Variants in LRP1B observed in about 807,000 individuals in gnomAD.
The protein encoded by LRP1B is low-density lipoprotein receptor-related protein 1B.
In LRP1B, 217 loss-of-function variants were observed where a neutral mutation model predicts 556.6. The ratio of observed to expected loss-of-function variants is 0.39; its 90% CI spans 0.35 to 0.44. The LOEUF (loss-of-function observed/expected upper bound fraction) is 0.44. Ranked by LOEUF, LRP1B falls within the 20% of genes least tolerant of loss-of-function variation. The probability of loss-of-function intolerance (pLI) is 1.00; values close to 1 mark genes in which losing one functional copy is unlikely to be tolerated. For synonymous variants in LRP1B, 2,047 were observed against 1,865.8 expected (o/e 1.10, Z -2.50); for missense variants, 5,053 against 5,620.8 (o/e 0.90, Z 3.23).
At chr2:141,617,698 A>C (rs1216513452) in intron 2 of LRP1B, among the ~76,000 whole-genome samples, 3 of 152,218 alleles carry the variant, frequency 2.0e-5, no homozygotes, top group Non-Finnish European at 4.4e-5. Flanking sequence ...TTCACAAGAT[A>C]GGGCAAATAG....
chr2:141,271,071 A>T (rs192165024), intron 3 of LRP1B, among the ~76,000 whole-genome samples: 1 of 152,104 alleles, frequency 6.6e-6, no homozygotes, highest in African/African-American at 2.4e-5. Flanking sequence ...ACTAAAATGA[A>T]CTAAATAGGA....
intron 13 of LRP1B, among the ~76,000 whole-genome samples, chr2:141,015,434 T>G (rs927559228): frequency 6.6e-6 from 1 of 152,088 alleles, no homozygotes; most frequent in Non-Finnish European, 1.5e-5. Context: ...AAACTGCATT[T>G]TAAAACAGCT....
chr2:140,626,472 G>C (rs575569032), intron 41 of LRP1B, among the ~76,000 whole-genome samples: 4 of 152,280 alleles, frequency 2.6e-5, no homozygotes, highest in Admixed American at 2.6e-4. Context: ...AAGGGCATAT[G>C]TGGGAATTTC....
intron 2 of LRP1B, among the ~76,000 whole-genome samples, chr2:141,694,569 A>ATGTTG (rs1401446917): frequency 6.6e-6 from 1 of 151,530 alleles, no homozygotes; most frequent in African/African-American, 2.4e-5. Flanking sequence ...GTTTGACCTT[A>ATGTTG]TTCCTGTGTC....
intron 3 of LRP1B, among the ~76,000 whole-genome samples, chr2:141,380,527 C>T (rs1225463037): frequency 6.6e-6 from 1 of 152,180 alleles, no homozygotes; most frequent in Non-Finnish European, 1.5e-5. Context: ...CTGACTGTTA[C>T]TTGGGGAACT....
chr2:140,725,133 A>G (rs1019705055), intron 35 of LRP1B, among the ~76,000 whole-genome samples: 5 of 152,172 alleles, frequency 3.3e-5, no homozygotes, highest in African/African-American at 1.2e-4. Flanking sequence ...TTTCCATTCT[A>G]AAATTTTGAG....
chr2:140,322,379 A>T (rs141148604), intron 81 of LRP1B, among the ~76,000 whole-genome samples: 1 of 152,060 alleles, frequency 6.6e-6, no homozygotes, highest in Non-Finnish European at 1.5e-5. Context: ...TGCTTTTGGC[A>T]TAAGAGTTGG....
intron 41 of LRP1B, among the ~76,000 whole-genome samples, chr2:140,676,243 G>A (rs1457735108): frequency 2.6e-5 from 4 of 152,060 alleles, no homozygotes; most frequent in African/African-American, 7.2e-5. Context: ...CCTACAGCAC[G>A]TAATTATATA....
chr2:141,472,565 T>A (rs761466367), intron 3 of LRP1B, among the ~76,000 whole-genome samples: 16 of 151,606 alleles, frequency 1.1e-4, no homozygotes, highest in Non-Finnish European at 4.4e-5. Flanking sequence ...TCAAATCAAA[T>A]CAAAATTAAC....
intron 86 of LRP1B, among the ~76,000 whole-genome samples, chr2:140,250,683 G>A (rs1359314351): frequency 1.3e-5 from 2 of 151,666 alleles, no homozygotes; most frequent in African/African-American, 2.4e-5. Flanking sequence ...AATGAGAAAT[G>A]TTAAAATTCA....
At chr2:140,447,090 T>A (rs1270220773) in intron 63 of LRP1B, among the ~76,000 whole-genome samples, 1 of 151,910 alleles carries the variant, frequency 6.6e-6, no homozygotes, top group Non-Finnish European at 1.5e-5. Context: ...ATCAGGAAAA[T>A]GCAAATAAAA....
intron 1 of LRP1B, among the ~76,000 whole-genome samples, chr2:142,095,365 G>C (rs1706323497): frequency 6.6e-6 from 1 of 151,758 alleles, no homozygotes; most frequent in Admixed American, 6.6e-5. Context: ...AAGGGAGTAA[G>C]TAGTTCAGTA....
At chr2:140,488,786 T>G (rs1558917529) in intron 57 of LRP1B, among the ~76,000 whole-genome samples, 1 of 152,036 alleles carries the variant, frequency 6.6e-6, no homozygotes, top group East Asian at 1.9e-4. Flanking sequence ...ACCGTAAAGT[T>G]GATGCTATGT....
intron 1 of LRP1B, among the ~76,000 whole-genome samples, chr2:142,069,646 A>G (rs1162574237): frequency 2.0e-5 from 3 of 151,794 alleles, no homozygotes; most frequent in Non-Finnish European, 4.4e-5. Flanking sequence ...TAAATACGAC[A>G]AAGCATGTTT....
Position 142,130,817 on chromosome 2 carries a change from G to T in LRP1B, c.-88C>A. ...CGGCGGCGGCGGCAGGGGCCGCTTGGAGCCTGGAATCGAGCGGCGTCATTT... is the reference window on the plus strand; with the variant it reads ...CGGCGGCGGCGGCAGGGGCCGCTTGTAGCCTGGAATCGAGCGGCGTCATTT... On this transcript the variant is annotated 5_prime_UTR_variant, in exon 1 of 91. Transcript: ENST00000389484. 9.9e-7 allele frequency: 1 copy of T among 1,014,966 alleles called. No homozygotes were observed. Among genetic ancestry groups the T allele is most frequent in the Non-Finnish European group, 1.5e-6 (1 of 656,676 alleles). The allele number at this position is 1,014,966 out of a possible 1,614,324, so 62.9% of individuals were successfully genotyped here.
At chr2:141,383,766 G>T (rs1689726943) in intron 3 of LRP1B, among the ~76,000 whole-genome samples, 1 of 152,118 alleles carries the variant, frequency 6.6e-6, no homozygotes. Flanking sequence ...CAGAGAAAAT[G>T]TTGCATAATC....
Position 141,795,867 on chromosome 2 carries a change from T to A in LRP1B, c.205+14412A>T, listed in dbSNP as rs1308564926. On this transcript the variant is annotated intron_variant, in intron 2 of 90. Transcript: ENST00000389484. ...ATGAAAACCAGGAGCAATATATATA[T>A]ATATATATATATATATATATATATA... Among the ~76,000 whole-genome samples, 273 of 70,614 alleles carry A rather than the reference T, an allele frequency of 3.9e-3. 5 individuals are homozygous for A. Among genetic ancestry groups the A allele is most frequent in the African/African-American group, 0.013 (260 of 19,364 alleles). 46.3% of individuals were successfully genotyped at this position (70,614 alleles called of 152,430 possible).
chr2:140,886,942 T>C (rs1377596261), intron 23 of LRP1B, among the ~76,000 whole-genome samples: 2 of 152,170 alleles, frequency 1.3e-5, no homozygotes, highest in Non-Finnish European at 2.9e-5. Context: ...GAAAGAAGCT[T>C]TGAAAACGGA....
Position 140,942,912 on chromosome 2 carries a change from G to A in LRP1B, c.3136+7323C>T, listed in dbSNP as rs559814155. On this transcript the variant is annotated intron_variant, in intron 20 of 90. Coordinates refer to ENST00000389484, the MANE Select transcript of LRP1B (RefSeq NM_018557.3). ...GCAAACTGCTAATAGCACCATGATA[G>A]AACGAAAATCTCTTATATCAATATT... 1.5e-4 allele frequency among the ~76,000 whole-genome samples: 23 copies of A among 152,188 alleles called. 1 individual carries two copies. The highest frequency in any genetic ancestry group is 4.8e-4 in the African/African-American group (20 of 41,548).
Sources: allele counts gnomAD v4.1 joint callset (sites outside exome capture counted in the v4.1 genomes callset), GRCh38; gene constraint gnomAD v4.1.1; transcripts MANE v1.5; gene names NCBI Gene and HGNC (gene_info 2026-07-23, HGNC 2026-07-21).